Variants in BTBD9 observed in about 807,000 individuals in gnomAD.
The protein encoded by BTBD9 is BTB/POZ domain-containing protein 9.
In BTBD9, 49 loss-of-function variants were observed where a neutral mutation model predicts 64.3. The ratio of observed to expected loss-of-function variants is 0.76; its 90% CI spans 0.61 to 0.97. The LOEUF is 0.97. Ranked by LOEUF, BTBD9 falls within the 50% of genes least tolerant of loss-of-function variation. BTBD9 has a pLI of 0.00. For synonymous variants in BTBD9, 260 were observed against 274.7 expected (o/e 0.95, Z 0.53); for missense variants, 598 against 762.1 (o/e 0.78, Z 2.53).
At chr6:38,608,086 G>A (rs1421005784) in intron 1 of BTBD9, among the ~76,000 whole-genome samples, 1 of 151,990 alleles carries the variant, frequency 6.6e-6, no homozygotes, top group Non-Finnish European at 1.5e-5. Flanking sequence ...ACCTTATTCA[G>A]TCACAAACAT....
chr6:38,426,469 A>G (rs1013305820), intron 6 of BTBD9, among the ~76,000 whole-genome samples: 2 of 151,852 alleles, frequency 1.3e-5, no homozygotes, highest in Admixed American at 1.3e-4. Context: ...AAATCTTGCA[A>G]CTGCACTCTT....
intron 7 of BTBD9, among the ~76,000 whole-genome samples, chr6:38,326,877 T>C (rs1763462015): frequency 6.6e-6 from 1 of 152,188 alleles, no homozygotes; most frequent in Non-Finnish European, 1.5e-5. Context: ...AATCAACTCA[T>C]GTTTGATATT....
chr6:38,317,934 CT>C (rs34109121), intron 7 of BTBD9, among the ~76,000 whole-genome samples: 1,451 of 128,802 alleles, frequency 0.011, 7 homozygotes, highest in Non-Finnish European at 0.017. Context: ...CTCAAAATAG[CT>C]TTTTTTTTTT....
At chr6:38,593,665 T>C (rs1776908669) in intron 3 of BTBD9, among the ~76,000 whole-genome samples, 1 of 152,154 alleles carries the variant, frequency 6.6e-6, no homozygotes, top group Non-Finnish European at 1.5e-5. Flanking sequence ...TAGTATGCAA[T>C]ACCAAAAAGG....
Position 38,169,771 on chromosome 6 carries a change from C to T in BTBD9, c.*5214G>A, listed in dbSNP as rs742540. ...GGCCTCCTCCACCCCCCCTCCCCCC[C>T]GCCCATTCAGGGCTATAAATACTCA... On this transcript the variant is annotated 3_prime_UTR_variant, in exon 11 of 11. Transcript: ENST00000481247. 1.3e-5 allele frequency: 2 copies of T among 151,702 alleles called. No individual in the cohort carries two copies. The highest frequency in any genetic ancestry group is 6.6e-5 in the Admixed American group (1 of 15,232). The allele number at this position is 151,702 out of a possible 1,614,324, so 9.4% of individuals were successfully genotyped here.
chr6:38,288,361 A>G lies in BTBD9; in HGVS notation c.1365T>C (p.Tyr455=), dbSNP rs1242780791. 1 of 1,614,214 alleles carries G rather than the reference A, an allele frequency of 6.2e-7. No homozygotes were observed. Among genetic ancestry groups the G allele is most frequent in the Non-Finnish European group, 8.5e-7 (1 of 1,180,038 alleles). Reference sequence around the variant, plus strand: ...GACATGTGTAGCCAGAATCCCAGTCATAATTCTTAGTGTCCCCATTCAGCA... The same window carrying G: ...GACATGTGTAGCCAGAATCCCAGTCGTAATTCTTAGTGTCCCCATTCAGCA... ...NALLNGDTKN[Y]DWDSGYTCHQ... The change falls in exon 8 of 11, where the codon TAT becomes TAC. Residue 455 remains tyrosine, a synonymous_variant. Coordinates refer to ENST00000481247, the MANE Select transcript of BTBD9 (RefSeq NM_001099272.2).
chr6:38,238,906 G>A (rs142375812), intron 9 of BTBD9, among the ~76,000 whole-genome samples: 379 of 152,296 alleles, frequency 2.5e-3, no homozygotes, highest in South Asian at 3.5e-3. Context: ...AATTCTAAAA[G>A]GGAAGAGGGT....
chr6:38,212,542 C>A (rs1373998370), intron 9 of BTBD9, among the ~76,000 whole-genome samples: 2 of 152,122 alleles, frequency 1.3e-5, no homozygotes, highest in Non-Finnish European at 2.9e-5. Context: ...CTGAAATTTG[C>A]CTGAAAAATA....
At chr6:38,575,190 A>G (rs1028426705) in intron 6 of BTBD9, among the ~76,000 whole-genome samples, 1 of 152,210 alleles carries the variant, frequency 6.6e-6, no homozygotes. Flanking sequence ...AAAAAGTCTC[A>G]AGGAATATAT....
chr6:38,410,004 G>A (rs190674846), intron 6 of BTBD9, among the ~76,000 whole-genome samples: 10 of 151,998 alleles, frequency 6.6e-5, no homozygotes, highest in East Asian at 5.8e-4. Context: ...GAGCTAAACC[G>A]TTATATTTTC....
At chr6:38,631,558 T>C (rs1207470107) in intron 1 of BTBD9, among the ~76,000 whole-genome samples, 1 of 152,236 alleles carries the variant, frequency 6.6e-6, no homozygotes, top group Non-Finnish European at 1.5e-5. Context: ...TGGATGAAGC[T>C]AGCTGACATG....
At chr6:38,334,653 A>G (rs994453977) in intron 7 of BTBD9, among the ~76,000 whole-genome samples, 1 of 136,544 alleles carries the variant, frequency 7.3e-6, no homozygotes, top group Non-Finnish European at 1.5e-5. Context: ...ATAAAATAAA[A>G]TAAAACAAAA....
chr6:38,519,481 A>G (rs1484791931), intron 6 of BTBD9, among the ~76,000 whole-genome samples: 1 of 152,228 alleles, frequency 6.6e-6, no homozygotes, highest in Non-Finnish European at 1.5e-5. Flanking sequence ...CAAGCAGAGT[A>G]ACATACTTGT....
intron 6 of BTBD9, among the ~76,000 whole-genome samples, chr6:38,404,711 T>A (rs1003406898): frequency 6.6e-6 from 1 of 152,178 alleles, no homozygotes; most frequent in African/African-American, 2.4e-5. Context: ...TTACTGCAGA[T>A]AAGGGATAAA....
chr6:38,574,865 T>C (rs1022640936), intron 6 of BTBD9, among the ~76,000 whole-genome samples: 1 of 151,946 alleles, frequency 6.6e-6, no homozygotes, highest in Non-Finnish European at 1.5e-5. Context: ...CCCACTGTTT[T>C]AAACAAGAAT....
intron 6 of BTBD9, among the ~76,000 whole-genome samples, chr6:38,446,848 G>A (rs933836389): frequency 6.6e-6 from 1 of 152,194 alleles, no homozygotes; most frequent in South Asian, 2.1e-4. Flanking sequence ...GCTAGGCAGA[G>A]CGGGATCAGT....
At chr6:38,564,617 G>A (rs747678930) in intron 6 of BTBD9, among the ~76,000 whole-genome samples, 24 of 152,070 alleles carry the variant, frequency 1.6e-4, no homozygotes, top group Non-Finnish European at 2.2e-4. Context: ...GGCCGAGCAC[G>A]GTGACTCACG....
At chr6:38,288,141 T>C (rs1761815847) in intron 8 of BTBD9, 131 bp downstream of exon 8, 6 of 1,010,350 alleles carry the variant, frequency 5.9e-6, no homozygotes, top group Non-Finnish European at 8.6e-6. Flanking sequence ...CTCCCACTCC[T>C]TTCTTGATAC....
At chr6:38,311,922 C>T (rs1762851877) in intron 7 of BTBD9, among the ~76,000 whole-genome samples, 1 of 151,812 alleles carries the variant, frequency 6.6e-6, no homozygotes, top group South Asian at 2.1e-4. Context: ...AGTGCGGTGG[C>T]GCGATCTCGA....
Sources: gnomAD v4.1 joint callset for allele counts (sites outside exome capture counted in the v4.1 genomes callset) on GRCh38, gnomAD v4.1.1 for gene constraint, MANE v1.5 for transcripts, NCBI Gene and HGNC (gene_info 2026-07-23, HGNC 2026-07-21) for gene names.